MMP26: variants seen among roughly 807,000 people sequenced by gnomAD.
MMP26 encodes the protein matrix metalloproteinase-26.
Under a neutral mutation model 31.0 loss-of-function variants are expected in MMP26, and 33 were observed. The ratio of observed to expected loss-of-function variants is 1.06; its 90% CI spans 0.81 to 1.42. The LOEUF (loss-of-function observed/expected upper bound fraction) is 1.42, where lower values mean the gene tolerates loss of function less well. Among genes scored for constraint, MMP26 ranks in the 40% most tolerant of loss-of-function variants. The pLI is 0.00. For missense variants in MMP26, 347 were observed against 316.1 expected (o/e 1.10, Z -0.74); for synonymous variants, 122 against 114.9 (o/e 1.06, Z -0.40).
chr11:4,932,139 G>A (rs1481811794), intron 2 of MMP26, among the ~76,000 whole-genome samples: 6 of 152,218 alleles, frequency 3.9e-5, no homozygotes, highest in Non-Finnish European at 8.8e-5. Flanking sequence ...TCAGTGCTCA[G>A]CAACAGGCAG....
chr11:4,723,977 C>T, intron 1 of MMP26: 1 of 739,532 alleles, frequency 1.4e-6, no homozygotes, highest in Non-Finnish European at 2.5e-6. Flanking sequence ...TTGACTGTGT[C>T]AGTGGTGATG....
intron 2 of MMP26, among the ~76,000 whole-genome samples, chr11:4,919,520 C>G (rs758009118): frequency 1.7e-4 from 26 of 152,098 alleles, no homozygotes; most frequent in Non-Finnish European, 3.5e-4. Flanking sequence ...GGCAAGGAGA[C>G]TGGTCTTGTG....
intron 2 of MMP26, among the ~76,000 whole-genome samples, chr11:4,838,587 AAATTAC>A (rs1849752991): frequency 6.6e-6 from 1 of 151,744 alleles, no homozygotes; most frequent in South Asian, 2.1e-4. Flanking sequence ...ACAGTTGAAT[AAATTAC>A]CTTGATCCAC....
intron 2 of MMP26, among the ~76,000 whole-genome samples, chr11:4,879,052 G>A (rs1850423077): frequency 1.3e-5 from 2 of 152,242 alleles, no homozygotes; most frequent in South Asian, 4.1e-4. Context: ...TGGCCAACAT[G>A]ATGAAACCCC....
chr11:4,979,340 A>G (rs1846781971), intron 2 of MMP26, among the ~76,000 whole-genome samples: 1 of 152,144 alleles, frequency 6.6e-6, no homozygotes. Context: ...ACACCATTAT[A>G]CACATTATAC....
At chr11:4,793,926 G>T (rs1849067310) in intron 2 of MMP26, 1 of 152,188 alleles carries the variant, frequency 6.6e-6, no homozygotes, top group South Asian at 2.1e-4. Flanking sequence ...AAAGCAACAA[G>T]AGAAAAAGGA....
intron 2 of MMP26, among the ~76,000 whole-genome samples, chr11:4,788,927 C>A (rs1848984262): frequency 1.3e-5 from 2 of 152,086 alleles, no homozygotes; most frequent in South Asian, 2.1e-4. Context: ...AGCTTTTGAC[C>A]ATGTCTCAGT....
At chr11:4,917,577 T>C (rs950299915) in intron 2 of MMP26, among the ~76,000 whole-genome samples, 7 of 152,328 alleles carry the variant, frequency 4.6e-5, no homozygotes, top group Non-Finnish European at 7.3e-5. Flanking sequence ...GTTAACTCAC[T>C]GTCCACCTGA....
chr11:4,838,315 TAAAAAAAAAAA>T (rs540572047), intron 2 of MMP26, among the ~76,000 whole-genome samples: 21 of 27,390 alleles, frequency 7.7e-4, no homozygotes, highest in Non-Finnish European at 1.4e-3. Flanking sequence ...AGACTCTGTC[TAAAAAAAAAAA>T]AAAAAAAAAA....
At chr11:4,759,950 C>T (rs12276390) in intron 1 of MMP26, among the ~76,000 whole-genome samples, 1 of 152,168 alleles carries the variant, frequency 6.6e-6, no homozygotes, top group Non-Finnish European at 1.5e-5. Context: ...ATTTCTATTG[C>T]TAAAATTCAT....
chr11:4,724,107 C>T, intron 1 of MMP26: 1 of 635,288 alleles, frequency 1.6e-6, no homozygotes, highest in Non-Finnish European at 2.8e-6. Context: ...GTAGGAGCGG[C>T]TGCTGAAGTC....
chr11:4,750,609 G>GT (rs1387760505), intron 1 of MMP26, among the ~76,000 whole-genome samples: 1 of 152,024 alleles, frequency 6.6e-6, no homozygotes, highest in Non-Finnish European at 1.5e-5. Flanking sequence ...ATGAAGTGAT[G>GT]TTTTTTGCAG....
intron 2 of MMP26, among the ~76,000 whole-genome samples, chr11:4,826,211 G>A (rs112686352): frequency 6.6e-6 from 1 of 151,978 alleles, no homozygotes; most frequent in Non-Finnish European, 1.5e-5. Flanking sequence ...TAAGTGCAAG[G>A]GAAACTGCTG....
At position 4,950,203 on chromosome 11, in the gene MMP26, A is replaced by G. The variant is rs1299526612; in HGVS notation, c.-144-37865A>G. ...AAACAAAAAATCTTGTAGAAAAACT[A>G]TGGTAATATTTTCATGATTTGGGAT... On this transcript the variant is annotated intron_variant, in intron 2 of 7. Coordinates refer to ENST00000380390, the MANE Select transcript of MMP26 (RefSeq NM_021801.5). Among the ~76,000 whole-genome samples, 6 of 123,832 alleles carry G rather than the reference A, an allele frequency of 4.8e-5. 2 individuals are homozygous for G. The highest frequency in any genetic ancestry group is 1.1e-4 in the Non-Finnish European group (6 of 54,502). The allele number at this position is 123,832 out of a possible 152,430, so 81.2% of individuals were successfully genotyped here.
At chr11:4,926,881 G>T (rs1385233431) in intron 2 of MMP26, among the ~76,000 whole-genome samples, 3 of 152,166 alleles carry the variant, frequency 2.0e-5, no homozygotes, top group Non-Finnish European at 2.9e-5. Flanking sequence ...CTCAATACAT[G>T]TTGAATAAAT....
intron 3 of MMP26, among the ~76,000 whole-genome samples, chr11:4,988,677 T>C (rs1314909363): frequency 6.6e-6 from 1 of 152,134 alleles, no homozygotes; most frequent in African/African-American, 2.4e-5. Context: ...AATAAATTAA[T>C]GGGACCTTCA....
chr11:4,764,985 A>G (rs764266485), intron 1 of MMP26, among the ~76,000 whole-genome samples: 9 of 152,206 alleles, frequency 5.9e-5, no homozygotes, highest in African/African-American at 1.4e-4. Flanking sequence ...ACATGAGGAC[A>G]TTCAAACATC....
intron 2 of MMP26, among the ~76,000 whole-genome samples, chr11:4,986,905 T>TTCTCTCTCTCTCTCTC (rs71050445): frequency 2.1e-4 from 10 of 48,670 alleles, no homozygotes; most frequent in Admixed American, 2.6e-4. Context: ...CTTCCTTCCT[T>TTCTCTCTCTCTCTCTC]TCTCTCTCTC....
intron 1 of MMP26, among the ~76,000 whole-genome samples, chr11:4,745,981 G>C (rs1242719017): frequency 6.6e-6 from 1 of 152,156 alleles, no homozygotes; most frequent in Non-Finnish European, 1.5e-5. Flanking sequence ...GATGTATCAG[G>C]AATCCAAATT....
Sources: allele counts gnomAD v4.1 joint callset (sites outside exome capture counted in the v4.1 genomes callset), GRCh38; gene constraint gnomAD v4.1.1; transcripts MANE v1.5; gene names NCBI Gene and HGNC (gene_info 2026-07-23, HGNC 2026-07-21).